Variants in CSMD3 observed in about 807,000 individuals in gnomAD.
CSMD3 encodes the protein CUB and sushi domain-containing protein 3.
In CSMD3, 177 loss-of-function variants were observed where a neutral mutation model predicts 435.2. The ratio of observed to expected loss-of-function variants is 0.41; its 90% CI spans 0.36 to 0.46. The LOEUF is 0.46. Among genes scored for constraint, CSMD3 ranks in the 20% least tolerant of loss-of-function variants. CSMD3 has a pLI of 0.34. For synonymous variants in CSMD3, 1,656 were observed against 1,520.5 expected, an observed-to-expected ratio of 1.09 and a Z score of -2.07; for missense variants, 4,265 against 4,504.6, an observed-to-expected ratio of 0.95 and a Z score of 1.52.
At chr8:113,104,626 G>A (rs2090424004) in intron 4 of CSMD3, among the ~76,000 whole-genome samples, 3 of 152,062 alleles carry the variant, frequency 2.0e-5, no homozygotes, top group Non-Finnish European at 4.4e-5. Flanking sequence ...GTTTGTCACG[G>A]TACAACAAAT....
chr8:112,365,335 C>T (rs1246741532), intron 38 of CSMD3, among the ~76,000 whole-genome samples: 2 of 150,814 alleles, frequency 1.3e-5, no homozygotes, highest in African/African-American at 4.9e-5. Flanking sequence ...TTTGTTAGCA[C>T]AAAATCAGTA....
At chr8:112,758,314 T>C (rs2077752292) in intron 13 of CSMD3, among the ~76,000 whole-genome samples, 1 of 150,948 alleles carries the variant, frequency 6.6e-6, no homozygotes, top group Admixed American at 6.6e-5. Context: ...ATCGCGCCAC[T>C]GTACTCCAGC....
At chr8:112,477,596 A>G (rs1411927013) in intron 31 of CSMD3, among the ~76,000 whole-genome samples, 3 of 151,858 alleles carry the variant, frequency 2.0e-5, no homozygotes, top group Non-Finnish European at 4.4e-5. Flanking sequence ...ATTTAAAGGT[A>G]TATGGCACCT....
At chr8:113,176,856 T>C (rs1254334634) in intron 3 of CSMD3, among the ~76,000 whole-genome samples, 1 of 151,232 alleles carries the variant, frequency 6.6e-6, no homozygotes, top group Non-Finnish European at 1.5e-5. Flanking sequence ...CACTTTTACC[T>C]ATGTAACAAA....
chr8:112,625,625 A>G (rs1266020761), intron 22 of CSMD3, among the ~76,000 whole-genome samples: 5 of 152,152 alleles, frequency 3.3e-5, no homozygotes, highest in Non-Finnish European at 7.4e-5. Context: ...AAACACATGA[A>G]GAGAAATGTT....
intron 4 of CSMD3, among the ~76,000 whole-genome samples, chr8:113,114,432 T>C (rs2090761419): frequency 1.3e-5 from 2 of 152,118 alleles, no homozygotes; most frequent in South Asian, 2.1e-4. Flanking sequence ...AAAAATTTAG[T>C]GTGTCTTGCT....
chr8:113,171,720 T>C (rs1342847562), intron 4 of CSMD3, among the ~76,000 whole-genome samples: 2 of 152,188 alleles, frequency 1.3e-5, no homozygotes, highest in Non-Finnish European at 2.9e-5. Context: ...CCTTGCTTCT[T>C]TACCACAGCC....
Position 112,518,794 on chromosome 8 carries a change from G to A in CSMD3, c.4565-1569C>T, listed in dbSNP as rs536260949. On this transcript the variant is annotated intron_variant, in intron 27 of 70. Coordinates refer to ENST00000297405, the MANE Select transcript of CSMD3 (RefSeq NM_198123.2). ...AATGGGTAATTTATGAAGAAAAGAG[G>A]TTTAATTGACTCACAGTTCTGTAGG... Among the ~76,000 whole-genome samples, 5 of 152,192 alleles carry A rather than the reference G, an allele frequency of 3.3e-5. No homozygotes were observed. In the East Asian group the frequency reaches 7.7e-4, roughly 24 times the overall value.
intron 3 of CSMD3, among the ~76,000 whole-genome samples, chr8:113,247,442 A>G (rs1354992708): frequency 1.3e-5 from 2 of 152,152 alleles, no homozygotes; most frequent in African/African-American, 2.4e-5. Context: ...CAAGGGTACT[A>G]TAGGTCCAGA....
intron 24 of CSMD3, among the ~76,000 whole-genome samples, chr8:112,566,799 G>T (rs1347021232): frequency 6.6e-6 from 1 of 152,178 alleles, no homozygotes; most frequent in African/African-American, 2.4e-5. Context: ...GACCCCATTT[G>T]CAAAATAAGA....
At chr8:113,119,962 T>C (rs974699435) in intron 4 of CSMD3, among the ~76,000 whole-genome samples, 22 of 127,332 alleles carry the variant, frequency 1.7e-4, no homozygotes, top group Non-Finnish European at 3.2e-4. Flanking sequence ...TGTTCAAATT[T>C]ATTTATTTAA....
chr8:112,371,638 C>T (rs1373780856), intron 38 of CSMD3, among the ~76,000 whole-genome samples: 2 of 152,026 alleles, frequency 1.3e-5, no homozygotes, highest in African/African-American at 4.8e-5. Flanking sequence ...ACGTGTAATC[C>T]CAGGACTTTG....
chr8:112,893,099 AACTACTACTACTACTACAACT>A (rs1157047756), intron 10 of CSMD3, among the ~76,000 whole-genome samples: 5 of 150,674 alleles, frequency 3.3e-5, no homozygotes, highest in African/African-American at 1.2e-4. Flanking sequence ...ACTACTACAA[AACTACTACTACTACTACAACT>A]ACTACTACTA....
chr8:112,856,962 G>A (rs2080679076), intron 11 of CSMD3, among the ~76,000 whole-genome samples: 1 of 151,648 alleles, frequency 6.6e-6, no homozygotes, highest in African/African-American at 2.4e-5. Context: ...AAACTGTTAG[G>A]GCATCATGAA....
intron 24 of CSMD3, 59 bp from the exon 25 acceptor site, chr8:112,557,013 A>G (rs928552995): frequency 9.8e-7 from 1 of 1,019,166 alleles, no homozygotes; most frequent in Admixed American, 1.8e-5. Flanking sequence ...TTAAATCTAT[A>G]CAAATCATTC....
intron 3 of CSMD3, among the ~76,000 whole-genome samples, chr8:113,226,127 T>G (rs1452299193): frequency 6.6e-6 from 1 of 151,548 alleles, no homozygotes; most frequent in African/African-American, 2.4e-5. Flanking sequence ...ACCTCTTTTC[T>G]TTATAAATTA....
In CSMD3 at chr8:112,877,921, G is replaced by C. The variant is rs576293009; in HGVS notation, c.1634-18655C>G. On this transcript the variant is annotated intron_variant, in intron 10 of 70. Transcript: ENST00000297405. The stretch of plus-strand genomic sequence containing the variant: ...ACACCTTATACAAAAATTAACTCAA[G>C]GTGGGTTATAGACTTAAACCTAAAA... 2.0e-5 allele frequency among the ~76,000 whole-genome samples: 3 copies of C among 152,200 alleles called. No homozygotes were observed. In the East Asian group the frequency reaches 5.8e-4, roughly 30 times the overall value.
At chr8:112,821,183 G>A (rs768616312) in intron 12 of CSMD3, among the ~76,000 whole-genome samples, 4 of 152,110 alleles carry the variant, frequency 2.6e-5, no homozygotes, top group South Asian at 2.1e-4. Flanking sequence ...TGAGATTGCC[G>A]GGTCAAATGG....
chr8:113,239,072 G>A (rs2093182446), intron 3 of CSMD3, among the ~76,000 whole-genome samples: 1 of 152,140 alleles, frequency 6.6e-6, no homozygotes, highest in Non-Finnish European at 1.5e-5. Context: ...CCTAGTAACA[G>A]GGTATTTTTC....
Sources: allele counts gnomAD v4.1 joint callset (sites outside exome capture counted in the v4.1 genomes callset), GRCh38; gene constraint gnomAD v4.1.1; transcripts MANE v1.5; gene names NCBI Gene and HGNC (gene_info 2026-07-23, HGNC 2026-07-21).